Variants in THSD7A observed in about 807,000 individuals in gnomAD.
THSD7A encodes the protein thrombospondin type 1 domain containing 7A.
A neutral mutation model predicts 231.3 loss-of-function variants in THSD7A; 96 were observed. That is an observed-to-expected ratio of 0.41 (90% CI 0.35 to 0.49). The LOEUF (loss-of-function observed/expected upper bound fraction) is 0.49, where lower values mean the gene tolerates loss of function less well. Ranked by LOEUF, THSD7A falls within the 20% of genes least tolerant of loss-of-function variation. The pLI is 0.05. For missense variants in THSD7A, 2,290 were observed against 2,070.2 expected (o/e 1.11, Z -2.06); for synonymous variants, 940 against 743.3 (o/e 1.26, Z -4.30).
chr7:11,814,081 A>G lies in THSD7A; in HGVS notation c.190+17676T>C, dbSNP rs1784610368. On this transcript the variant is annotated intron_variant, in intron 1 of 27. Coordinates refer to ENST00000423059, the MANE Select transcript of THSD7A (RefSeq NM_015204.3). This position sits in a 1 kb window ranked among gnomAD's most constrained non-coding sequence, Gnocchi z 5.1. ...CAAGTTATGATGCCATTCATATGAA[A>G]GGTCCAGACTAGGCGAATAGAGAAA... 6.6e-6 allele frequency among the ~76,000 whole-genome samples: 1 copy of G among 152,194 alleles called. No homozygotes were observed. The highest frequency in any genetic ancestry group is 2.4e-5 in the African/African-American group (1 of 41,448).
At position 11,764,814 on chromosome 7, in the gene THSD7A, T is replaced by A. The variant is rs1316876447; in HGVS notation, c.190+66943A>T. Among the ~76,000 whole-genome samples, 4 of 152,170 alleles carry A rather than the reference T, an allele frequency of 2.6e-5. No individual in the cohort carries two copies. In the East Asian group the frequency reaches 7.7e-4, roughly 29 times the overall value. On this transcript the variant is annotated intron_variant, in intron 1 of 27. Transcript: ENST00000423059. ...TTTCAGCCCTTGGAAAATACAGTAA[T>A]TTGAATAAAACAATATTTTAAAATT...
chr7:11,563,019 T>C lies in THSD7A; in HGVS notation c.1454-19902A>G, dbSNP rs10250764. On this transcript the variant is annotated intron_variant, in intron 4 of 27. Transcript: ENST00000423059. ...GAGTCACTAAAAATTCACGCAGTAA[T>C]TGGCGTCAAGCAAATAAAGAAAGCT... Among the ~76,000 whole-genome samples the C allele has an allele frequency of 2.2e-3, 339 of 152,324 alleles. 1 individual carries two copies. The highest frequency in any genetic ancestry group is 7.9e-3 in the African/African-American group (327 of 41,572).
chr7:11,780,268 G>T (rs1003220973), intron 1 of THSD7A, among the ~76,000 whole-genome samples: 1 of 152,084 alleles, frequency 6.6e-6, no homozygotes, highest in Non-Finnish European at 1.5e-5. Context: ...CATTATGATG[G>T]TATATTTAGT....
intron 6 of THSD7A, among the ~76,000 whole-genome samples, chr7:11,504,449 T>A (rs1311199584): frequency 1.3e-5 from 2 of 152,124 alleles, no homozygotes; most frequent in Admixed American, 6.6e-5. Context: ...TTTGTCTATA[T>A]AACAAATCAT....
intron 1 of THSD7A, among the ~76,000 whole-genome samples, chr7:11,669,606 AT>A (rs1344006018): frequency 2.6e-5 from 4 of 151,854 alleles, no homozygotes; most frequent in Non-Finnish European, 4.4e-5. Context: ...GTAATTTAAA[AT>A]TTTTTACTGG....
At chr7:11,410,522 A>G (rs189427430) in intron 19 of THSD7A, 118 of 152,324 alleles carry the variant, frequency 7.7e-4, no homozygotes, top group African/African-American at 2.6e-3. Flanking sequence ...AACATTTGTC[A>G]TGTTTTTGGT....
chr7:11,449,813 C>T (rs1173672312), intron 11 of THSD7A, among the ~76,000 whole-genome samples: 1 of 151,664 alleles, frequency 6.6e-6, no homozygotes, highest in Non-Finnish European at 1.5e-5. Context: ...CAAAGTTGCC[C>T]CAAGGATGCT....
intron 1 of THSD7A, among the ~76,000 whole-genome samples, chr7:11,732,991 C>T (rs2883588): frequency 0.73 from 110,797 of 151,568 alleles, 40,571 homozygotes; most frequent in South Asian, 0.79. Flanking sequence ...AATATCTAAG[C>T]AGTATTTGGT....
intron 11 of THSD7A, among the ~76,000 whole-genome samples, chr7:11,454,612 T>A (rs1316376415): frequency 6.6e-6 from 1 of 151,740 alleles, no homozygotes; most frequent in Non-Finnish European, 1.5e-5. Flanking sequence ...TATACACTAC[T>A]ACTGTATTAT....
rs370671955 is a variant in THSD7A, at chr7:11,675,537, C to A, written c.191-38576G>T. On this transcript the variant is annotated intron_variant, in intron 1 of 27. Transcript: ENST00000423059. ...TGGCTTGAAATTATTGCTGCCAGCA[C>A]AGCAGTCTGAAGCTGACCTGGGATG... Among the ~76,000 whole-genome samples, 51 of 152,318 alleles carry A rather than the reference C, an allele frequency of 3.3e-4. No individual in the cohort carries two copies. In the East Asian group the frequency reaches 7.5e-3, roughly 23 times the overall value.
At chr7:11,556,627 T>A (rs1009496105) in intron 4 of THSD7A, among the ~76,000 whole-genome samples, 1 of 151,978 alleles carries the variant, frequency 6.6e-6, no homozygotes, top group Admixed American at 6.6e-5. Context: ...TTTAGTGAAC[T>A]TTCTTTAGCT....
chr7:11,462,281 A>C, intron 9 of THSD7A, 138 bp from the exon 10 acceptor site: 2 of 794,988 alleles, frequency 2.5e-6, no homozygotes, highest in Non-Finnish European at 1.8e-6. Flanking sequence ...TGGTCTAAAC[A>C]TTCACTAAAT....
At chr7:11,423,822 C>T (rs111261608) in intron 16 of THSD7A, among the ~76,000 whole-genome samples, 4 of 152,058 alleles carry the variant, frequency 2.6e-5, no homozygotes, top group African/African-American at 7.3e-5. Context: ...GATAAAACCT[C>T]GTGCATTTGT....
chr7:11,498,812 G>A (rs1364667632), intron 6 of THSD7A, among the ~76,000 whole-genome samples: 1 of 152,100 alleles, frequency 6.6e-6, no homozygotes, highest in African/African-American at 2.4e-5. Context: ...AGTCTTCACT[G>A]GTGATACCTC....
At chr7:11,615,175 C>T (rs541545822) in intron 2 of THSD7A, among the ~76,000 whole-genome samples, 14 of 152,264 alleles carry the variant, frequency 9.2e-5, no homozygotes, top group African/African-American at 2.6e-4. Context: ...AAGGTGTATG[C>T]AACTGCGTGC....
intron 1 of THSD7A, among the ~76,000 whole-genome samples, chr7:11,780,746 A>G (rs1209371326): frequency 1.3e-5 from 2 of 152,182 alleles, no homozygotes; most frequent in Non-Finnish European, 2.9e-5. Context: ...AGTTTAGAGT[A>G]TGTTTTTTTA....
intron 4 of THSD7A, among the ~76,000 whole-genome samples, chr7:11,588,484 C>T (rs538597160): frequency 6.6e-6 from 1 of 152,224 alleles, no homozygotes; most frequent in Non-Finnish European, 1.5e-5. Flanking sequence ...AATTAGTTAC[C>T]TCCATATCTA....
chr7:11,460,112 T>G (rs1313383528), intron 11 of THSD7A, among the ~76,000 whole-genome samples: 1 of 152,138 alleles, frequency 6.6e-6, no homozygotes, highest in Non-Finnish European at 1.5e-5. Flanking sequence ...TTCCACGTTA[T>G]TTAGTGGTGC....
At chr7:11,404,208 G>C (rs967212680) in intron 22 of THSD7A, among the ~76,000 whole-genome samples, 1 of 152,148 alleles carries the variant, frequency 6.6e-6, no homozygotes, top group Non-Finnish European at 1.5e-5. Flanking sequence ...GCTGTACAAG[G>C]ACAGGGTCTC....
Sources: allele counts gnomAD v4.1 joint callset (sites outside exome capture counted in the v4.1 genomes callset), GRCh38; gene constraint gnomAD v4.1.1; non-coding constraint Gnocchi (gnomAD v3.1); transcripts MANE v1.5; gene names NCBI Gene and HGNC (gene_info 2026-07-23, HGNC 2026-07-21).